Variants in CSMD3 observed in about 807,000 individuals in gnomAD.
CSMD3 encodes the protein CUB and Sushi multiple domains 3, also known as CUB and sushi domain-containing protein 3.
Under a neutral mutation model 435.2 loss-of-function variants are expected in CSMD3, and 177 were observed. The ratio of observed to expected loss-of-function variants is 0.41; its 90% CI spans 0.36 to 0.46. CSMD3 has a LOEUF of 0.46. Among genes scored for constraint, CSMD3 ranks in the 20% least tolerant of loss-of-function variants. CSMD3 has a pLI of 0.34. For missense variants in CSMD3, 4,265 were observed against 4,504.6 expected, an observed-to-expected ratio of 0.95 and a Z score of 1.52; for synonymous variants, 1,656 against 1,520.5, an observed-to-expected ratio of 1.09 and a Z score of -2.07.
chr8:112,268,281 A>C (rs1225807776), intron 59 of CSMD3, among the ~76,000 whole-genome samples: 2 of 152,188 alleles, frequency 1.3e-5, no homozygotes, highest in Non-Finnish European at 2.9e-5. Flanking sequence ...AAACACATAA[A>C]TTATTTGAAA....
intron 38 of CSMD3, among the ~76,000 whole-genome samples, chr8:112,378,438 T>A (rs1235101727): frequency 6.6e-6 from 1 of 152,104 alleles, no homozygotes; most frequent in Non-Finnish European, 1.5e-5. Context: ...AATGGATGAA[T>A]GGATAAGGAA....
At position 113,336,931 on chromosome 8, in the gene CSMD3, C is replaced by T. The variant is rs547996347; in HGVS notation, c.179-22138G>A. 7.8e-4 allele frequency among the ~76,000 whole-genome samples: 118 copies of T among 152,200 alleles called. 1 individual carries two copies. The highest frequency in any genetic ancestry group is 2.7e-3 in the African/African-American group (114 of 41,548). On this transcript the variant is annotated intron_variant, in intron 1 of 70. Coordinates refer to ENST00000297405, the MANE Select transcript of CSMD3 (RefSeq NM_198123.2). ...TGTAGCCTGGTAAGCCTGAAAGTAC[C>T]AGCTCCCCACTTAGTCTTTTTTTGC... is the stretch of plus-strand genomic sequence containing the variant.
At chr8:112,718,388 C>G (rs2076780741) in intron 13 of CSMD3, among the ~76,000 whole-genome samples, 1 of 151,934 alleles carries the variant, frequency 6.6e-6, no homozygotes, top group Admixed American at 6.6e-5. Flanking sequence ...TCAAGCCTGT[C>G]TTCTCAACTC....
At position 112,299,973 on chromosome 8, in the gene CSMD3, C is replaced by A. The variant is rs906222012; in HGVS notation, c.8440+1820G>T. ...GGTGAATAAAACCACATACTATATA[C>A]AATATTAAATAATATATAATACACA... is the stretch of plus-strand genomic sequence containing the variant. On this transcript the variant is annotated intron_variant, in intron 53 of 70. Transcript: ENST00000297405. 2.7e-5 allele frequency among the ~76,000 whole-genome samples: 4 copies of A among 150,936 alleles called. No homozygotes were observed. The Admixed American group carries it at 2.7e-4, about 10-fold the overall frequency.
At chr8:112,686,935 A>G (rs1340798721) in intron 14 of CSMD3, among the ~76,000 whole-genome samples, 1 of 152,106 alleles carries the variant, frequency 6.6e-6, no homozygotes, top group African/African-American at 2.4e-5. Context: ...ATTTATATGG[A>G]CATATAAACA....
intron 37 of CSMD3, among the ~76,000 whole-genome samples, chr8:112,382,771 C>T (rs1249325661): frequency 6.6e-6 from 1 of 152,156 alleles, no homozygotes; most frequent in Non-Finnish European, 1.5e-5. Context: ...AGGTGGATCA[C>T]CTGAAGTCAG....
At chr8:112,273,095 GA>G (rs559106662) in intron 59 of CSMD3, among the ~76,000 whole-genome samples, 110 of 152,056 alleles carry the variant, frequency 7.2e-4, no homozygotes, top group Middle Eastern at 3.4e-3. Flanking sequence ...AATCTGTCTT[GA>G]ATCAAATGAC....
chr8:112,415,971 A>T (rs966524123), intron 32 of CSMD3, among the ~76,000 whole-genome samples: 1 of 152,128 alleles, frequency 6.6e-6, no homozygotes, highest in Non-Finnish European at 1.5e-5. Flanking sequence ...GGTAGAAGGG[A>T]CTTGCCTTGT....
At chr8:113,335,300 CGG>C (rs1341252087) in intron 1 of CSMD3, among the ~76,000 whole-genome samples, 2 of 151,962 alleles carry the variant, frequency 1.3e-5, no homozygotes, top group Non-Finnish European at 2.9e-5. Flanking sequence ...TACCCAGTCT[CGG>C]GTATTTCTTT....
At chr8:112,935,538 T>C (rs1014569203) in intron 9 of CSMD3, among the ~76,000 whole-genome samples, 1 of 152,108 alleles carries the variant, frequency 6.6e-6, no homozygotes, top group Admixed American at 6.6e-5. Context: ...ATCTTTCTAT[T>C]TATTTGTAAC....
At chr8:112,933,552 G>A (rs772440866) in intron 9 of CSMD3, among the ~76,000 whole-genome samples, 14 of 152,098 alleles carry the variant, frequency 9.2e-5, no homozygotes, top group Non-Finnish European at 1.3e-4. Context: ...TAGCAATGGA[G>A]TGCATCACAC....
chr8:113,078,489 C>A (rs962621237), intron 5 of CSMD3, among the ~76,000 whole-genome samples: 1 of 152,120 alleles, frequency 6.6e-6, no homozygotes, highest in Non-Finnish European at 1.5e-5. Context: ...AAATTAGAAG[C>A]TGATCAAATG....
chr8:112,327,160 T>C (rs1823594094), intron 45 of CSMD3, among the ~76,000 whole-genome samples: 1 of 152,180 alleles, frequency 6.6e-6, no homozygotes, highest in Non-Finnish European at 1.5e-5. Context: ...GTCTGTGGTC[T>C]CAAAACTATT....
intron 4 of CSMD3, among the ~76,000 whole-genome samples, chr8:113,100,548 C>T (rs1188839848): frequency 6.6e-6 from 1 of 152,052 alleles, no homozygotes; most frequent in African/African-American, 2.4e-5. Context: ...TATTTTCCTT[C>T]CTCTGGATAA....
In CSMD3 at chr8:112,408,009, A is replaced by G. The variant is rs113013727; in HGVS notation, c.5605+309T>C. Among the ~76,000 whole-genome samples the G allele has an allele frequency of 6.1e-3, 932 of 152,176 alleles. 2 individuals carry two copies. The highest frequency in any genetic ancestry group is 0.021 in the African/African-American group (891 of 41,554). On this transcript the variant is annotated intron_variant, in intron 34 of 70. Transcript: ENST00000297405. ...TAAACTAAATTAGACTAAATAGTCT[A>G]GAGTGCTAGACTGTTAGAAAATAGA...
At chr8:112,562,839 A>G (rs897781168) in intron 24 of CSMD3, among the ~76,000 whole-genome samples, 15 of 151,702 alleles carry the variant, frequency 9.9e-5, no homozygotes. Flanking sequence ...CAACTTCATT[A>G]TATCAACTTT....
intron 7 of CSMD3, among the ~76,000 whole-genome samples, chr8:112,960,740 T>C (rs1226467468): frequency 2.6e-5 from 4 of 151,746 alleles, no homozygotes; most frequent in Admixed American, 6.6e-5. Context: ...TTGGTAGAGA[T>C]AAACATACTA....
At chr8:113,341,992 A>T (rs1330965613) in intron 1 of CSMD3, among the ~76,000 whole-genome samples, 1 of 152,060 alleles carries the variant, frequency 6.6e-6, no homozygotes, top group Non-Finnish European at 1.5e-5. Context: ...CTCTAGAATT[A>T]CCTATGATGT....
intron 12 of CSMD3, among the ~76,000 whole-genome samples, chr8:112,816,644 A>T (rs1040158245): frequency 1.3e-5 from 2 of 152,024 alleles, no homozygotes; most frequent in Non-Finnish European, 2.9e-5. Flanking sequence ...TAGGGCCTAG[A>T]TTTTAAAAAA....
Sources: gnomAD v4.1 joint callset for allele counts (sites outside exome capture counted in the v4.1 genomes callset) on GRCh38, gnomAD v4.1.1 for gene constraint, MANE v1.5 for transcripts, NCBI Gene and HGNC (gene_info 2026-07-23, HGNC 2026-07-21) for gene names.